Variants in SUGCT observed in about 807,000 individuals in gnomAD.
SUGCT encodes the protein succinyl-CoA:glutarate-CoA transferase, also known as succinyl-CoA:glutarate CoA-transferase.
A neutral mutation model predicts 55.0 loss-of-function variants in SUGCT; 41 were observed. The observed-to-expected ratio is 0.74, with a 90% confidence interval of 0.58 to 0.97. The LOEUF (loss-of-function observed/expected upper bound fraction) is 0.97. Among genes scored for constraint, SUGCT ranks in the 50% least tolerant of loss-of-function variants. The probability of loss-of-function intolerance (pLI) is 0.00; values close to 1 mark genes in which losing one functional copy is unlikely to be tolerated. For synonymous variants in SUGCT, 187 were observed against 200.4 expected, an observed-to-expected ratio of 0.93 and a Z score of 0.56; for missense variants, 568 against 547.8, an observed-to-expected ratio of 1.04 and a Z score of -0.37.
At chr7:40,291,507 G>A (rs1165767078) in intron 8 of SUGCT, among the ~76,000 whole-genome samples, 1 of 117,520 alleles carries the variant, frequency 8.5e-6, no homozygotes, top group African/African-American at 3.2e-5. Context: ...GACTGTTGTG[G>A]GGTGGGGGGA....
chr7:40,378,704 C>T (rs1202170634), intron 9 of SUGCT, among the ~76,000 whole-genome samples: 1 of 152,200 alleles, frequency 6.6e-6, no homozygotes, highest in Non-Finnish European at 1.5e-5. Context: ...AACTCCTGAC[C>T]TCAGGTGATC....
chr7:40,228,699 A>G (rs1381405775), intron 6 of SUGCT, among the ~76,000 whole-genome samples: 1 of 152,104 alleles, frequency 6.6e-6, no homozygotes, highest in East Asian at 1.9e-4. Flanking sequence ...TTCCTTCTTC[A>G]TATATTAGTT....
At chr7:40,862,396 T>G (rs1030227657), downstream of SUGCT, among the ~76,000 whole-genome samples, 5 of 152,186 alleles carry the variant, frequency 3.3e-5, no homozygotes, top group African/African-American at 1.2e-4. Flanking sequence ...CTCTGCTGAT[T>G]TAGTGGAAGA....
At chr7:41,028,224 A>C in the SUGCT span, among the ~76,000 whole-genome samples, 2 of 152,228 alleles carry the variant, frequency 1.3e-5, no homozygotes, top group African/African-American at 4.8e-5. Flanking sequence ...AGAAAGAAGG[A>C]ATGTTTTAGT....
chr7:40,609,089 A>C (rs1292850655), intron 12 of SUGCT, among the ~76,000 whole-genome samples: 1 of 152,130 alleles, frequency 6.6e-6, no homozygotes, highest in East Asian at 1.9e-4. Context: ...ATGGGCTCCT[A>C]TTCTCTTGCT....
chr7:40,178,915 T>C (rs1785049717), intron 1 of SUGCT, among the ~76,000 whole-genome samples: 1 of 152,228 alleles, frequency 6.6e-6, no homozygotes, highest in Non-Finnish European at 1.5e-5. Context: ...TCTTACCTTT[T>C]CTCCATTTTC....
chr7:40,967,997 T>C, the SUGCT span: 1 of 152,184 alleles, frequency 6.6e-6, no homozygotes. Context: ...TGGATCATAA[T>C]TTTAATAACA....
At chr7:40,244,094 A>T (rs1365874308) in intron 7 of SUGCT, among the ~76,000 whole-genome samples, 1 of 152,130 alleles carries the variant, frequency 6.6e-6, no homozygotes, top group African/African-American at 2.4e-5. Flanking sequence ...AATCACTTGA[A>T]CCTGGGAGGT....
chr7:40,347,495 C>T (rs567026764), intron 9 of SUGCT, among the ~76,000 whole-genome samples: 5 of 152,154 alleles, frequency 3.3e-5, no homozygotes, highest in Non-Finnish European at 5.9e-5. Context: ...TGGCCCATGT[C>T]CTCCTGAATG....
intron 12 of SUGCT, among the ~76,000 whole-genome samples, chr7:40,692,236 G>T (rs543204205): frequency 6.6e-6 from 1 of 152,276 alleles, no homozygotes; most frequent in East Asian, 1.9e-4. Flanking sequence ...CAACTGAGTG[G>T]TGCAGACAAG....
At chr7:40,989,944 T>C in the SUGCT span, among the ~76,000 whole-genome samples, 1 of 152,230 alleles carries the variant, frequency 6.6e-6, no homozygotes, top group Non-Finnish European at 1.5e-5. Flanking sequence ...CTCAAAGTCA[T>C]TCATGAGGGT....
At chr7:40,622,304 G>A (rs1004136858) in intron 12 of SUGCT, among the ~76,000 whole-genome samples, 3 of 152,076 alleles carry the variant, frequency 2.0e-5, no homozygotes, top group Non-Finnish European at 1.5e-5. Context: ...TTGACTTAAC[G>A]GTGATCTTTG....
intron 11 of SUGCT, among the ~76,000 whole-genome samples, chr7:40,463,239 C>T (rs1789913407): frequency 6.6e-6 from 1 of 152,118 alleles, no homozygotes; most frequent in Non-Finnish European, 1.5e-5. Flanking sequence ...TGAATTTGCA[C>T]AGCAGATAAC....
intron 9 of SUGCT, among the ~76,000 whole-genome samples, chr7:40,378,666 T>A (rs1176944489): frequency 6.6e-6 from 1 of 151,908 alleles, no homozygotes; most frequent in East Asian, 1.9e-4. Flanking sequence ...AGAGATGGGG[T>A]TTTGCAACAT....
intron 1 of SUGCT, among the ~76,000 whole-genome samples, chr7:40,162,290 A>G (rs944589925): frequency 3.9e-5 from 6 of 152,208 alleles, no homozygotes; most frequent in Non-Finnish European, 7.3e-5. Context: ...TGTAAATTTT[A>G]TACTGTAAAC....
chr7:40,761,688 G>A (rs1788540084), intron 13 of SUGCT, among the ~76,000 whole-genome samples: 1 of 152,248 alleles, frequency 6.6e-6, no homozygotes, highest in Middle Eastern at 3.4e-3. Context: ...TTCCCTCAGA[G>A]CGCTTATTAA....
chr7:40,600,504 A>G (rs1798240302), intron 12 of SUGCT, among the ~76,000 whole-genome samples: 1 of 152,196 alleles, frequency 6.6e-6, no homozygotes, highest in Non-Finnish European at 1.5e-5. Context: ...CTTAATCTCC[A>G]GGGCTTTCAC....
At chr7:40,737,200 T>C (rs183339266) in intron 12 of SUGCT, among the ~76,000 whole-genome samples, 186 of 152,154 alleles carry the variant, frequency 1.2e-3, no homozygotes, top group African/African-American at 4.1e-3. Context: ...AGCTTCGACA[T>C]TGAATCACAC....
chr7:40,271,425 G>C (rs1792006959), intron 7 of SUGCT, among the ~76,000 whole-genome samples: 1 of 152,074 alleles, frequency 6.6e-6, no homozygotes, highest in South Asian at 2.1e-4. Context: ...TTCGTGCCTG[G>C]CCTCTTGTCT....
Sources: allele counts gnomAD v4.1 joint callset (sites outside exome capture counted in the v4.1 genomes callset), GRCh38; gene constraint gnomAD v4.1.1; transcripts MANE v1.5; gene names NCBI Gene and HGNC (gene_info 2026-07-23, HGNC 2026-07-21).